SYNPR: variants seen among roughly 807,000 people sequenced by gnomAD.
The protein encoded by SYNPR is synaptoporin.
SYNPR carries 23 observed loss-of-function variants against 32.9 expected under a neutral mutation model. That is an observed-to-expected ratio of 0.70 (90% confidence interval 0.50 to 0.99). SYNPR has a LOEUF of 0.99. Ranked by LOEUF, SYNPR falls within the 50% of genes least tolerant of loss-of-function variation. The pLI, the probability that SYNPR is intolerant of heterozygous loss-of-function variation, is 0.00. For synonymous variants in SYNPR, 146 were observed against 135.9 expected (o/e 1.07, Z -0.52); for missense variants, 318 against 349.3 (o/e 0.91, Z 0.71).
intron 2 of SYNPR, among the ~76,000 whole-genome samples, chr3:63,408,281 A>AAAG (rs2088406949): frequency 3.1e-4 from 11 of 35,394 alleles, no homozygotes; most frequent in Admixed American, 3.1e-4. Context: ...AAGAAAGAGG[A>AAAG]AGGAAGGAAG....
At chr3:63,427,972 G>C (rs1219684000) in intron 2 of SYNPR, among the ~76,000 whole-genome samples, 2 of 152,184 alleles carry the variant, frequency 1.3e-5, no homozygotes, top group Non-Finnish European at 2.9e-5. Flanking sequence ...GAATAAGTCA[G>C]TAATTACCTC....
In SYNPR at chr3:63,292,191, T is replaced by A. The variant is rs2086747075; in HGVS notation, c.84+13449T>A. Among the ~76,000 whole-genome samples, 4 of 152,348 alleles carry A rather than the reference T, an allele frequency of 2.6e-5. No homozygotes were observed. In the South Asian group the frequency reaches 8.3e-4, roughly 32 times the overall value. On this transcript the variant is annotated intron_variant, in intron 2 of 5. Coordinates refer to ENST00000478300, the MANE Select transcript of SYNPR (RefSeq NM_001130003.2). Reference sequence around the variant, plus strand: ...GACCAAAACATCATTATGCAGTGCATGATTTTAACTTGCTAGTGCTTTAAA... The same window carrying A: ...GACCAAAACATCATTATGCAGTGCAAGATTTTAACTTGCTAGTGCTTTAAA...
Position 63,408,360 on chromosome 3 carries a change from G to A in SYNPR, c.85-72472G>A, listed in dbSNP as rs146511163. Among the ~76,000 whole-genome samples, 295 of 149,992 alleles carry A rather than the reference G, an allele frequency of 2.0e-3. 1 individual carries two copies. Among genetic ancestry groups the A allele is most frequent in the East Asian group, 0.016 (74 of 4,744 alleles). On this transcript the variant is annotated intron_variant, in intron 2 of 5. Transcript: ENST00000478300. Reference sequence around the variant, plus strand: ...AGAAAGAAAGAAAGAAAGAAAGAAAGAAAGAAAGAAAGAAAGAAAGAAAAG... The same window carrying A: ...AGAAAGAAAGAAAGAAAGAAAGAAAAAAAGAAAGAAAGAAAGAAAGAAAAG...
At chr3:63,226,131 A>G (rs1315340199), upstream of SYNPR, among the ~76,000 whole-genome samples, 2 of 152,216 alleles carry the variant, frequency 1.3e-5, no homozygotes, top group East Asian at 3.8e-4. Context: ...GCAAATCCAA[A>G]TCACGATGAA....
At chr3:63,523,213 C>A (rs1701946332) in intron 3 of SYNPR, among the ~76,000 whole-genome samples, 1 of 152,138 alleles carries the variant, frequency 6.6e-6, no homozygotes. Flanking sequence ...GGCAGAGTAA[C>A]TGGAACAGAA....
At chr3:63,299,735 C>T (rs762648491) in intron 2 of SYNPR, among the ~76,000 whole-genome samples, 2 of 152,130 alleles carry the variant, frequency 1.3e-5, no homozygotes, top group Non-Finnish European at 2.9e-5. Flanking sequence ...TTGATACTAA[C>T]TTTTTCAAAT....
chr3:63,501,307 C>A (rs772364622), intron 3 of SYNPR, among the ~76,000 whole-genome samples: 2 of 151,762 alleles, frequency 1.3e-5, no homozygotes, highest in Non-Finnish European at 2.9e-5. Context: ...GGTGAAACCT[C>A]GTCTTTACAA....
At chr3:63,436,140 T>C (rs2107152008) in intron 2 of SYNPR, among the ~76,000 whole-genome samples, 1 of 152,230 alleles carries the variant, frequency 6.6e-6, no homozygotes, top group Non-Finnish European at 1.5e-5. Flanking sequence ...TCTCATGGAT[T>C]TGAGAATTGT....
At chr3:63,449,244 A>G (rs1700336368) in intron 2 of SYNPR, among the ~76,000 whole-genome samples, 1 of 152,082 alleles carries the variant, frequency 6.6e-6, no homozygotes, top group Non-Finnish European at 1.5e-5. Flanking sequence ...TTTTGTGGGT[A>G]TTCACTCACT....
intron 2 of SYNPR, among the ~76,000 whole-genome samples, chr3:63,460,597 C>CCAAGATTGG (rs777960671): frequency 0.018 from 1,743 of 94,928 alleles, 24 homozygotes; most frequent in Non-Finnish European, 0.029. Context: ...AAAAAAAAAG[C>CCAAGATTGG]CAAGATTGGT....
At chr3:63,477,546 C>T (rs1700952739) in intron 2 of SYNPR, among the ~76,000 whole-genome samples, 1 of 152,090 alleles carries the variant, frequency 6.6e-6, no homozygotes, top group Admixed American at 6.6e-5. Context: ...TGGCTTTATT[C>T]AGCAGCTCTC....
intron 2 of SYNPR, among the ~76,000 whole-genome samples, chr3:63,331,125 G>C (rs1281050349): frequency 6.6e-6 from 1 of 152,136 alleles, no homozygotes; most frequent in African/African-American, 2.4e-5. Context: ...CTGTGCCTAG[G>C]ACAGACATCA....
chr3:63,484,980 A>T (rs1194215792), intron 3 of SYNPR, among the ~76,000 whole-genome samples: 1 of 152,168 alleles, frequency 6.6e-6, no homozygotes, highest in Non-Finnish European at 1.5e-5. Context: ...AATAACAGGG[A>T]AATCTATTTT....
At chr3:63,342,706 A>C (rs1199569670) in intron 2 of SYNPR, among the ~76,000 whole-genome samples, 4 of 152,132 alleles carry the variant, frequency 2.6e-5, no homozygotes, top group Non-Finnish European at 5.9e-5. Flanking sequence ...TTATTTTTTA[A>C]ATGTTTGGTA....
intron 3 of SYNPR, among the ~76,000 whole-genome samples, chr3:63,525,279 A>G (rs1043207767): frequency 1.3e-5 from 2 of 152,080 alleles, no homozygotes; most frequent in Non-Finnish European, 2.9e-5. Flanking sequence ...CTTCCCTTCA[A>G]ACAGTGGTTC....
At chr3:63,444,597 T>A (rs1700238936) in intron 2 of SYNPR, among the ~76,000 whole-genome samples, 1 of 152,192 alleles carries the variant, frequency 6.6e-6, no homozygotes, top group Non-Finnish European at 1.5e-5. Context: ...GGGAATATCA[T>A]GCAGGCCTAG....
intron 2 of SYNPR, among the ~76,000 whole-genome samples, chr3:63,346,591 C>A (rs2087440071): frequency 6.6e-6 from 1 of 152,100 alleles, no homozygotes; most frequent in South Asian, 2.1e-4. Context: ...TCTGCCGCAG[C>A]CTCCTGAGTA....
chr3:63,348,906 T>C (rs1233995640), intron 2 of SYNPR, among the ~76,000 whole-genome samples: 1 of 152,194 alleles, frequency 6.6e-6, no homozygotes, highest in Non-Finnish European at 1.5e-5. Context: ...GCTGTTTTGG[T>C]TACTGTAACA....
chr3:63,392,011 G>A (rs1181536177), intron 2 of SYNPR, among the ~76,000 whole-genome samples: 1 of 152,200 alleles, frequency 6.6e-6, no homozygotes, highest in East Asian at 1.9e-4. Flanking sequence ...CAGTGAGCCA[G>A]CATTCTAGGT....
Sources: allele counts gnomAD v4.1 joint callset (sites outside exome capture counted in the v4.1 genomes callset), GRCh38; gene constraint gnomAD v4.1.1; transcripts MANE v1.5; gene names NCBI Gene and HGNC (gene_info 2026-07-23, HGNC 2026-07-21).